Variants in PIK3C2A observed in about 807,000 individuals in gnomAD.
PIK3C2A encodes phosphatidylinositol 4-phosphate 3-kinase C2 domain-containing subunit alpha.
In PIK3C2A, 97 loss-of-function variants were observed where a neutral mutation model predicts 204.5. The ratio of observed to expected loss-of-function variants is 0.47; its 90% CI spans 0.40 to 0.56. PIK3C2A has a LOEUF of 0.56. PIK3C2A is among the 20% of genes least tolerant of loss of function. The probability of loss-of-function intolerance (pLI) is 0.00; values close to 1 mark genes in which losing one functional copy is unlikely to be tolerated. For synonymous variants in PIK3C2A, 653 were observed against 664.4 expected (o/e 0.98, Z 0.26); for missense variants, 1,735 against 1,969.2 (o/e 0.88, Z 2.25).
intron 1 of PIK3C2A, among the ~76,000 whole-genome samples, chr11:17,199,196 A>G (rs1268898692): frequency 6.6e-6 from 1 of 152,180 alleles, no homozygotes; most frequent in African/African-American, 2.4e-5. Context: ...AACCTACTAG[A>G]ATGGCTATAA....
Position 17,099,187 on chromosome 11 carries a change from G to A in PIK3C2A, c.4118+673C>T, listed in dbSNP as rs758120351. 5.7e-4 allele frequency among the ~76,000 whole-genome samples: 87 copies of A among 152,156 alleles called. 1 individual carries two copies. The highest frequency in any genetic ancestry group is 2.0e-3 in the African/African-American group (83 of 41,434). ...TGGGATTACAGGCGTGAGCCACTGC[G>A]CCTGGCTGGAAGATCTGTTTTTAAA... On this transcript the variant is annotated intron_variant, in intron 26 of 32. Coordinates refer to ENST00000691414, the MANE Select transcript of PIK3C2A (RefSeq NM_002645.4).
At chr11:17,102,221 G>A (rs1388104032) in intron 24 of PIK3C2A, among the ~76,000 whole-genome samples, 1 of 152,088 alleles carries the variant, frequency 6.6e-6, no homozygotes, top group Non-Finnish European at 1.5e-5. Flanking sequence ...TAGATCACTT[G>A]GTCAGGAGAT....
chr11:17,155,319 A>G (rs901720431), intron 3 of PIK3C2A, among the ~76,000 whole-genome samples: 5 of 152,130 alleles, frequency 3.3e-5, no homozygotes, highest in African/African-American at 2.4e-5. Context: ...TCTGACCTCA[A>G]TTTTTTCTTC....
intron 14 of PIK3C2A, 90 bp from the exon 15 acceptor site, chr11:17,122,423 C>A: frequency 1.3e-6 from 1 of 767,970 alleles, no homozygotes; most frequent in Non-Finnish European, 2.2e-6. Context: ...TTTTTCTTAG[C>A]AATCGGGGCA....
intron 1 of PIK3C2A, among the ~76,000 whole-genome samples, chr11:17,175,458 T>C (rs910044420): frequency 1.3e-5 from 2 of 152,230 alleles, no homozygotes; most frequent in African/African-American, 2.4e-5. Context: ...TGCATTGACA[T>C]GCTCCATTAA....
At chr11:17,198,990 G>A (rs938475959) in intron 1 of PIK3C2A, among the ~76,000 whole-genome samples, 2 of 151,906 alleles carry the variant, frequency 1.3e-5, no homozygotes, top group African/African-American at 4.8e-5. Context: ...GTGCTGACAG[G>A]CACCTGTAAT....
Position 17,094,381 on chromosome 11 carries a change from T to G in PIK3C2A, c.4331A>C (p.Tyr1444Ser), listed in dbSNP as rs1469213141. Reference protein sequence around the residue: ...KKYNPDKHYIYVVRILREGQI... With the variant: ...KKYNPDKHYISVVRILREGQI... ...TCCTTCCCTCAAAATTCGGACTACA[T>G]AAATCTGAAAAGAAATCACACCACA... Residue 1444 changes from tyrosine to serine, a missense_variant, in exon 28 of 33, where the codon TAT (tyrosine) becomes TCT (serine). Transcript: ENST00000691414. 5.0e-6 allele frequency: 8 copies of G among 1,607,190 alleles called. No homozygotes were observed. The highest frequency in any genetic ancestry group is 6.8e-6 in the Non-Finnish European group (8 of 1,176,666).
intron 1 of PIK3C2A, among the ~76,000 whole-genome samples, chr11:17,200,184 TC>T (rs5789976): frequency 0.24 from 35,519 of 150,188 alleles, 5,119 homozygotes; most frequent in East Asian, 0.38. Flanking sequence ...AGACTGCATT[TC>T]AAAAAAAAAA....
chr11:17,099,065 T>C (rs1848539076), intron 26 of PIK3C2A, among the ~76,000 whole-genome samples: 2 of 152,188 alleles, frequency 1.3e-5, no homozygotes, highest in Admixed American at 6.5e-5. Flanking sequence ...CCGGCTAATT[T>C]TGTATTTTTA....
intron 12 of PIK3C2A, among the ~76,000 whole-genome samples, chr11:17,130,815 A>C (rs1363223799): frequency 6.6e-6 from 1 of 151,700 alleles, no homozygotes; most frequent in Non-Finnish European, 1.5e-5. Flanking sequence ...TCAAAAAAAA[A>C]AAAAAAAGAA....
Position 17,117,613 on chromosome 11 carries a change from C to A in PIK3C2A, c.3094G>T (p.Gly1032Cys). The A allele has an allele frequency of 6.2e-7, 1 of 1,613,290 alleles. No homozygotes were observed. Among genetic ancestry groups the A allele is most frequent in the Non-Finnish European group, 8.5e-7 (1 of 1,179,372 alleles). ...TTTCCTCCTACTGACAGGAGAGCAC[C>A]CAAAACATGTTCGTATCGGGTACTA... The part of the protein sequence containing the change: ...QFSTRYEHVL[G>C]ALLSVGGKRL... Residue 1032 changes from glycine (G) to cysteine (C), a missense_variant, in exon 19 of 33, where the codon GGT becomes TGT. By Grantham distance (159) the Gly-to-Cys change is radical (BLOSUM62 -3). This residue lies in a region of PIK3C2A where 567 missense variants were observed against 576.0 expected (regional missense o/e 0.98). Coordinates refer to ENST00000691414, the MANE Select transcript of PIK3C2A (RefSeq NM_002645.4).
At chr11:17,093,011 A>G (rs558933197) in intron 28 of PIK3C2A, among the ~76,000 whole-genome samples, 89 of 152,208 alleles carry the variant, frequency 5.8e-4, no homozygotes, top group Non-Finnish European at 1.1e-3. Flanking sequence ...ATAATAACAT[A>G]AGGCCTAAGT....
chr11:17,100,666 C>T (rs1354997896), intron 25 of PIK3C2A, among the ~76,000 whole-genome samples: 2 of 152,166 alleles, frequency 1.3e-5, no homozygotes, highest in African/African-American at 2.4e-5. Context: ...TCTCATCTCC[C>T]ATCCACCATC....
chr11:17,202,566 C>T (rs183101801), intron 1 of PIK3C2A, among the ~76,000 whole-genome samples: 1 of 151,498 alleles, frequency 6.6e-6, no homozygotes, highest in South Asian at 2.1e-4. Flanking sequence ...ACAGAGAGAA[C>T]CTCCCTCAAA....
chr11:17,101,764 C>T (rs772576643), intron 24 of PIK3C2A, among the ~76,000 whole-genome samples: 13 of 150,974 alleles, frequency 8.6e-5, no homozygotes, highest in Non-Finnish European at 1.5e-4. Context: ...CCACCACGCC[C>T]GGCTAATTTT....
chr11:17,205,045 T>G (rs896590366), intron 1 of PIK3C2A, among the ~76,000 whole-genome samples: 5 of 150,792 alleles, frequency 3.3e-5, no homozygotes, highest in African/African-American at 1.2e-4. Flanking sequence ...GGTGTGGTGG[T>G]GTGCACCTGT....
intron 1 of PIK3C2A, among the ~76,000 whole-genome samples, chr11:17,192,396 G>A (rs1233368641): frequency 6.6e-6 from 1 of 152,004 alleles, no homozygotes; most frequent in Non-Finnish European, 1.5e-5. Flanking sequence ...TTTAACATAT[G>A]AAAAAAATAA....
chr11:17,146,032 T>A, intron 6 of PIK3C2A, 90 bp from the exon 7 acceptor site: 1 of 875,324 alleles, frequency 1.1e-6, no homozygotes, highest in South Asian at 1.7e-5. Flanking sequence ...TGATAAAATC[T>A]TGCAACTAAA....
Position 17,160,195 on chromosome 11 carries a change from C to T in PIK3C2A, c.1066-4566G>A, listed in dbSNP as rs1437081660. ...TACAAGGGTCTAGATCAGTAGCTTT[C>T]AATTTAAGTAAATTGGAGCCTCAAG... On this transcript the variant is annotated intron_variant, in intron 2 of 32. Coordinates refer to ENST00000691414, the MANE Select transcript of PIK3C2A (RefSeq NM_002645.4). Among the ~76,000 whole-genome samples, 6 of 152,130 alleles carry T rather than the reference C, an allele frequency of 3.9e-5. No individual in the cohort carries two copies. The East Asian group carries it at 1.2e-3, about 29-fold the overall frequency.
Sources: gnomAD v4.1 joint callset for allele counts (sites outside exome capture counted in the v4.1 genomes callset) on GRCh38, gnomAD v4.1.1 for gene constraint, gnomAD v4.1.1 regional missense constraint, MANE v1.5 for transcripts, NCBI Gene and HGNC (gene_info 2026-07-23, HGNC 2026-07-21) for gene names.